The following NVL variants were observed in gnomAD, a reference collection of about 807,000 sequenced individuals.
NVL encodes nuclear VCP like, also known as nuclear valosin-containing protein-like.
In NVL, 84 loss-of-function variants were observed where a neutral mutation model predicts 110.2. That is an observed-to-expected ratio of 0.76 (90% CI 0.64 to 0.91). The LOEUF is 0.91. Among genes scored for constraint, NVL ranks in the 40% least tolerant of loss-of-function variants. The pLI is 0.00. For missense variants in NVL, 882 were observed against 1,035.9 expected (o/e 0.85, Z 2.04); for synonymous variants, 354 against 361.1 (o/e 0.98, Z 0.22).
intron 19 of NVL, among the ~76,000 whole-genome samples, chr1:224,243,922 A>G (rs575902556): frequency 1.5e-4 from 23 of 151,750 alleles, no homozygotes; most frequent in African/African-American, 4.6e-4. Flanking sequence ...AGTCTCCCAA[A>G]GTGCTGGATT....
chr1:224,281,084 T>C, intron 16 of NVL, 39 bp downstream of exon 16: 2 of 1,555,960 alleles, frequency 1.3e-6, no homozygotes, highest in African/African-American at 2.7e-5. Context: ...ACCATTACTT[T>C]TTCTAATCTA....
In NVL at chr1:224,241,780, C is replaced by T. The variant is rs760803898; in HGVS notation, c.2290-5198G>A. ...CTGAGGCAGGAGAATCGCTTGAACC[C>T]GGGAAGAGGAGGTTGCAGTGAGCTG... is the stretch of plus-strand genomic sequence containing the variant. On this transcript the variant is annotated intron_variant, in intron 19 of 22. Coordinates refer to ENST00000281701, the MANE Select transcript of NVL (RefSeq NM_002533.4). Among the ~76,000 whole-genome samples, 24 of 149,990 alleles carry T rather than the reference C, an allele frequency of 1.6e-4. No homozygotes were observed. In the East Asian group the frequency reaches 1.8e-3, roughly 11 times the overall value.
At chr1:224,273,115 G>C (rs955988460) in intron 17 of NVL, among the ~76,000 whole-genome samples, 8 of 149,820 alleles carry the variant, frequency 5.3e-5, no homozygotes, top group Non-Finnish European at 1.2e-4. Flanking sequence ...TCAGAGTATA[G>C]AAATGTATGG....
At chr1:224,291,811 T>C (rs775188310) in intron 12 of NVL, among the ~76,000 whole-genome samples, 2 of 152,222 alleles carry the variant, frequency 1.3e-5, no homozygotes, top group Non-Finnish European at 2.9e-5. Flanking sequence ...ATTTTGGATG[T>C]TGTGAAAATG....
At chr1:224,248,827 A>G (rs1662145288) in intron 19 of NVL, among the ~76,000 whole-genome samples, 1 of 152,220 alleles carries the variant, frequency 6.6e-6, no homozygotes, top group Non-Finnish European at 1.5e-5. Flanking sequence ...AGTTAGACAC[A>G]CACAATCAAG....
chr1:224,278,226 CTT>C (rs931102981), intron 16 of NVL, among the ~76,000 whole-genome samples: 38 of 111,126 alleles, frequency 3.4e-4, no homozygotes, highest in Middle Eastern at 5.5e-3. Context: ...ATCATCTAAT[CTT>C]TTTTTTTTTT....
At chr1:224,247,031 G>T (rs939045377) in intron 19 of NVL, among the ~76,000 whole-genome samples, 2 of 143,802 alleles carry the variant, frequency 1.4e-5, no homozygotes, top group Non-Finnish European at 3.0e-5. Flanking sequence ...AACAAACAGG[G>T]TCTCTTTTTT....
chr1:224,271,907 G>A (rs543287463), intron 17 of NVL, among the ~76,000 whole-genome samples: 2 of 151,718 alleles, frequency 1.3e-5, no homozygotes, highest in South Asian at 4.2e-4. Flanking sequence ...CCAGCTACTC[G>A]GGAGGCTGAG....
chr1:224,249,053 T>C (rs981685113), intron 19 of NVL, among the ~76,000 whole-genome samples: 6 of 152,152 alleles, frequency 3.9e-5, no homozygotes, highest in African/African-American at 9.7e-5. Flanking sequence ...TATAGAAATG[T>C]AGAAACAAAG....
chr1:224,255,608 C>T (rs1454687942), intron 18 of NVL, among the ~76,000 whole-genome samples: 1 of 152,182 alleles, frequency 6.6e-6, no homozygotes, highest in Non-Finnish European at 1.5e-5. Context: ...CTGGGTCTCA[C>T]TACACTGCCC....
intron 22 of NVL, among the ~76,000 whole-genome samples, chr1:224,229,050 T>A (rs1401046050): frequency 6.6e-6 from 1 of 151,496 alleles, no homozygotes; most frequent in African/African-American, 2.4e-5. Context: ...AACCCAGCAC[T>A]TTGGGAGGCT....
At chr1:224,290,460 T>C (rs915428045) in intron 12 of NVL, among the ~76,000 whole-genome samples, 3 of 152,062 alleles carry the variant, frequency 2.0e-5, no homozygotes, top group African/African-American at 7.2e-5. Flanking sequence ...AGTTTGAGAT[T>C]AGCCTGGCCA....
intron 12 of NVL, among the ~76,000 whole-genome samples, chr1:224,291,046 C>G (rs1319570301): frequency 6.6e-6 from 1 of 152,110 alleles, no homozygotes; most frequent in Non-Finnish European, 1.5e-5. Context: ...GCTCTGTTAA[C>G]CTTTGTTATC....
intron 18 of NVL, among the ~76,000 whole-genome samples, chr1:224,256,423 T>TA (rs34959473): frequency 0.69 from 52,208 of 75,490 alleles, 19,425 homozygotes; most frequent in Non-Finnish European, 0.82. Flanking sequence ...AGGCTCCATC[T>TA]AAAAAAAAAA....
At chr1:224,269,037 G>T (rs561779315) in intron 17 of NVL, among the ~76,000 whole-genome samples, 3 of 149,818 alleles carry the variant, frequency 2.0e-5, no homozygotes, top group African/African-American at 7.4e-5. Context: ...TTTAAAGCCA[G>T]TCAAATTTAA....
At chr1:224,268,936 G>T (rs1664770653) in intron 17 of NVL, among the ~76,000 whole-genome samples, 1 of 152,152 alleles carries the variant, frequency 6.6e-6, no homozygotes, top group Non-Finnish European at 1.5e-5. Context: ...TGGGATTACA[G>T]GAGTGAGCCA....
At position 224,317,087 on chromosome 1, in the gene NVL, C is replaced by T. The variant is rs542267809; in HGVS notation, c.284+607G>A. The stretch of plus-strand genomic sequence containing the variant: ...CCGGGGGGCAGAGGTTGCAGTGAGC[C>T]GAGATGGTGCCACTGCACTCCAGCC... On this transcript the variant is annotated intron_variant, in intron 4 of 22. Coordinates refer to ENST00000281701, the MANE Select transcript of NVL (RefSeq NM_002533.4). Among the ~76,000 whole-genome samples the T allele has an allele frequency of 1.6e-4, 24 of 149,836 alleles. No homozygotes were observed. The South Asian group carries it at 1.7e-3, about 11-fold the overall frequency.
rs1388569129 is a variant in NVL at position 224,303,753 on chromosome 1, C to T, written c.930G>A (p.Gly310=). 9.3e-6 allele frequency: 15 copies of T among 1,613,560 alleles called. No individual in the cohort carries two copies. Among genetic ancestry groups the T allele is most frequent in the Non-Finnish European group, 1.3e-5 (15 of 1,179,796 alleles). The change falls in exon 9 of 23, where the codon GGG becomes GGA. Residue 310 remains glycine, a synonymous_variant. Coordinates refer to ENST00000281701, the MANE Select transcript of NVL (RefSeq NM_002533.4). ...CAATTGCATGTGCAAGTAATGTCTT[C>T]CCACAGCCTGGTGGTCCATGAAGGA... ...GVLLHGPPGC[G]KTLLAHAIAG... is the part of the protein sequence containing the mutation.
intron 11 of NVL, 149 bp from the exon 12 acceptor site, chr1:224,294,560 T>C (rs1387337928): frequency 4.2e-6 from 3 of 720,146 alleles, no homozygotes; most frequent in African/African-American, 3.6e-5. Flanking sequence ...ATGTCAAATA[T>C]GTAAAAGGTG....
Sources: gnomAD v4.1 joint callset for allele counts (sites outside exome capture counted in the v4.1 genomes callset) on GRCh38, gnomAD v4.1.1 for gene constraint, MANE v1.5 for transcripts, NCBI Gene and HGNC (gene_info 2026-07-23, HGNC 2026-07-21) for gene names.